XKR6: variants seen among roughly 807,000 people sequenced by gnomAD.
XKR6 encodes XK related 6, also known as XK-related protein 6.
XKR6 carries 22 observed loss-of-function variants against 56.7 expected under a neutral mutation model. The ratio of observed to expected loss-of-function variants is 0.39; its 90% confidence interval spans 0.28 to 0.55. The LOEUF is 0.55. Ranked by LOEUF, XKR6 falls within the 20% of genes least tolerant of loss-of-function variation. XKR6 has a pLI of 0.66. For missense variants in XKR6, 852 were observed against 889.0 expected, an observed-to-expected ratio of 0.96 and a Z score of 0.53; for synonymous variants, 524 against 387.8, an observed-to-expected ratio of 1.35 and a Z score of -4.13.
At chr8:10,972,921 A>C (rs1802449617) in intron 1 of XKR6, among the ~76,000 whole-genome samples, 1 of 152,204 alleles carries the variant, frequency 6.6e-6, no homozygotes, top group South Asian at 2.1e-4. Context: ...CTATACCAAG[A>C]GTCCTGTGCA....
At chr8:10,953,362 G>C (rs542151401) in intron 1 of XKR6, among the ~76,000 whole-genome samples, 2 of 152,044 alleles carry the variant, frequency 1.3e-5, no homozygotes, top group African/African-American at 4.8e-5. Context: ...TCTTGCTCCT[G>C]CTCCCACCAT....
chr8:11,011,119 A>T (rs1798490402), intron 1 of XKR6, among the ~76,000 whole-genome samples: 1 of 152,186 alleles, frequency 6.6e-6, no homozygotes, highest in African/African-American at 2.4e-5. Flanking sequence ...AGCAGTCATC[A>T]GCAGAGCTGG....
intron 1 of XKR6, among the ~76,000 whole-genome samples, chr8:11,178,540 A>T (rs1310797570): frequency 6.1e-5 from 7 of 114,320 alleles, no homozygotes; most frequent in Non-Finnish European, 1.0e-4. Context: ...AACATCTGAG[A>T]GGTAAAAATA....
chr8:11,158,566 T>G (rs1355854633), intron 1 of XKR6, among the ~76,000 whole-genome samples: 1 of 152,204 alleles, frequency 6.6e-6, no homozygotes, highest in African/African-American at 2.4e-5. Flanking sequence ...GTTTACTTCA[T>G]TAGTCGCCAT....
chr8:11,153,238 T>C (rs2409716), intron 1 of XKR6, among the ~76,000 whole-genome samples: 72,128 of 151,888 alleles, frequency 0.47, 19,020 homozygotes, highest in African/African-American at 0.68. Context: ...CTACTCCCAA[T>C]TGACCCAAAT....
intron 1 of XKR6, among the ~76,000 whole-genome samples, chr8:11,134,639 C>T (rs570068226): frequency 6.6e-6 from 1 of 152,130 alleles, no homozygotes; most frequent in South Asian, 2.1e-4. Context: ...GTTCTTTTTA[C>T]TGTGAGTTGG....
chr8:10,915,956 G>A (rs1173060431), intron 2 of XKR6, among the ~76,000 whole-genome samples: 5 of 152,224 alleles, frequency 3.3e-5, no homozygotes, highest in Admixed American at 2.0e-4. Context: ...TTAATTGCTC[G>A]AGGCCAAGGC....
intron 1 of XKR6, among the ~76,000 whole-genome samples, chr8:10,973,084 GT>G (rs1039948662): frequency 8.4e-4 from 128 of 152,290 alleles, no homozygotes; most frequent in African/African-American, 2.8e-3. Context: ...CAAGAGTGGA[GT>G]TATTATTGAA....
At chr8:10,995,314 G>T (rs1036321807) in intron 1 of XKR6, among the ~76,000 whole-genome samples, 3 of 150,862 alleles carry the variant, frequency 2.0e-5, no homozygotes, top group African/African-American at 7.3e-5. Context: ...CAGGAGTTCA[G>T]GACCAGCCTG....
At chr8:11,048,690 G>A (rs991810585) in intron 1 of XKR6, among the ~76,000 whole-genome samples, 1 of 152,150 alleles carries the variant, frequency 6.6e-6, no homozygotes, top group Non-Finnish European at 1.5e-5. Context: ...CCCTTCCTGG[G>A]TGACTCTGGA....
chr8:11,134,012 C>G (rs549534479), intron 1 of XKR6, among the ~76,000 whole-genome samples: 56 of 152,256 alleles, frequency 3.7e-4, no homozygotes, highest in African/African-American at 1.2e-3. Context: ...TTGCACTTCC[C>G]CTAATGCATC....
At chr8:11,041,870 C>A (rs533557341) in intron 1 of XKR6, among the ~76,000 whole-genome samples, 1 of 152,322 alleles carries the variant, frequency 6.6e-6, no homozygotes, top group South Asian at 2.1e-4. Flanking sequence ...TGCACCAACA[C>A]ATATACACAC....
chr8:11,048,882 G>A (rs1799475547), intron 1 of XKR6, among the ~76,000 whole-genome samples: 1 of 152,170 alleles, frequency 6.6e-6, no homozygotes, highest in Non-Finnish European at 1.5e-5. Flanking sequence ...GCACTGTCCT[G>A]CCCACTCGCT....
intron 1 of XKR6, among the ~76,000 whole-genome samples, chr8:11,172,760 G>A (rs903004207): frequency 6.6e-6 from 1 of 152,044 alleles, no homozygotes; most frequent in Non-Finnish European, 1.5e-5. Flanking sequence ...GTTTTCTCCA[G>A]ATATGTCTGC....
chr8:11,152,597 A>C (rs1043711062), intron 1 of XKR6, among the ~76,000 whole-genome samples: 3 of 152,160 alleles, frequency 2.0e-5, no homozygotes, highest in African/African-American at 7.2e-5. Flanking sequence ...TAATAAATAC[A>C]AATTTTGAAC....
At chr8:10,998,075 A>T (rs1798155103) in intron 1 of XKR6, among the ~76,000 whole-genome samples, 1 of 152,096 alleles carries the variant, frequency 6.6e-6, no homozygotes, top group Non-Finnish European at 1.5e-5. Flanking sequence ...ACAACAGGGG[A>T]TTGGGGGTCA....
chr8:11,110,754 A>G (rs1442487561), intron 1 of XKR6, among the ~76,000 whole-genome samples: 1 of 152,190 alleles, frequency 6.6e-6, no homozygotes, highest in Non-Finnish European at 1.5e-5. Flanking sequence ...CATTCATTCC[A>G]ATGGTCGAGA....
intron 1 of XKR6, among the ~76,000 whole-genome samples, chr8:11,090,504 G>C (rs1409908130): frequency 1.3e-5 from 2 of 152,010 alleles, no homozygotes; most frequent in African/African-American, 2.4e-5. Context: ...GTGTCTCAAA[G>C]AGAGTAAACC....
intron 1 of XKR6, among the ~76,000 whole-genome samples, chr8:11,082,869 A>T (rs1375659425): frequency 6.6e-6 from 1 of 152,248 alleles, no homozygotes; most frequent in Non-Finnish European, 1.5e-5. Flanking sequence ...AAGAGCAGGA[A>T]AGTGGAGTCC....
Sources: allele counts gnomAD v4.1 joint callset (sites outside exome capture counted in the v4.1 genomes callset), GRCh38; gene constraint gnomAD v4.1.1; transcripts MANE v1.5; gene names NCBI Gene and HGNC (gene_info 2026-07-23, HGNC 2026-07-21).